ATP2B2: variants seen among roughly 807,000 people sequenced by gnomAD.
The protein encoded by ATP2B2 is plasma membrane calcium-transporting ATPase 2.
Under a neutral mutation model 120.0 loss-of-function variants are expected in ATP2B2, and 15 were observed. The ratio of observed to expected loss-of-function variants is 0.12; its 90% CI spans 0.08 to 0.19. The LOEUF (loss-of-function observed/expected upper bound fraction) is 0.19. ATP2B2 is among the 10% of genes least tolerant of loss of function. The probability of loss-of-function intolerance (pLI) is 1.00; values close to 1 mark genes in which losing one functional copy is unlikely to be tolerated. For synonymous variants in ATP2B2, 694 were observed against 700.3 expected (o/e 0.99, Z 0.14); for missense variants, 1,045 against 1,719.8 (o/e 0.61, Z 6.94).
At chr3:10,496,637 C>A (rs1575410383) in intron 1 of ATP2B2, among the ~76,000 whole-genome samples, 1 of 152,168 alleles carries the variant, frequency 6.6e-6, no homozygotes, top group South Asian at 2.1e-4. Context: ...AAGATCCACA[C>A]ACATTGCACT....
intron 1 of ATP2B2, among the ~76,000 whole-genome samples, chr3:10,471,234 G>A (rs2064979345): frequency 1.3e-5 from 2 of 152,148 alleles, no homozygotes; most frequent in African/African-American, 2.4e-5. Context: ...GAAGGCCAGG[G>A]TGCAGGAGAC....
intron 1 of ATP2B2, among the ~76,000 whole-genome samples, chr3:10,670,800 A>C (rs2071076350): frequency 5.9e-5 from 9 of 152,214 alleles, no homozygotes. Context: ...AGAGAGCAGA[A>C]TCCGGATTGG....
intron 1 of ATP2B2, among the ~76,000 whole-genome samples, chr3:10,661,293 A>C (rs1029131616): frequency 4.6e-5 from 7 of 152,152 alleles, no homozygotes; most frequent in Non-Finnish European, 1.0e-4. Context: ...AATTAGGAAA[A>C]GAGGAAGTCA....
chr3:10,329,161 A>G lies in ATP2B2; in HGVS notation c.3421-36T>C. On this transcript the variant is annotated intron_variant, in intron 22 of 22. Transcript: ENST00000360273. This position sits in a 1 kb window ranked among gnomAD's most constrained non-coding sequence, Gnocchi z 5.9. ...AGCACAGGGGTCAGGAGCACTGCCC[A>G]GGGACCACAGCCAGGCTCGGGGGGC... 7.6e-7 allele frequency: 1 copy of G among 1,313,744 alleles called. No homozygotes were observed. Among genetic ancestry groups the G allele is most frequent in the Non-Finnish European group, 1.0e-6 (1 of 968,934 alleles). The allele number at this position is 1,313,744 out of a possible 1,614,324, so 81.4% of individuals were successfully genotyped here.
In ATP2B2 at chr3:10,340,428, C is replaced by G; in HGVS notation, c.3129+65G>C. 6.2e-7 allele frequency: 1 copy of G among 1,613,444 alleles called. No homozygotes were observed. Among genetic ancestry groups the G allele is most frequent in the Non-Finnish European group, 8.5e-7 (1 of 1,179,504 alleles). ...GCACAGAGGGCTGGGCTCTCAGGGT[C>G]CTGCCCAGGGGCTCCAGCCGCTTGC... On this transcript the variant is annotated intron_variant, in intron 20 of 22. Coordinates refer to ENST00000360273, the MANE Select transcript of ATP2B2 (RefSeq NM_001001331.4). The surrounding 1 kb of genome is among the most constrained non-coding windows in gnomAD (Gnocchi z 5.0).
intron 1 of ATP2B2, among the ~76,000 whole-genome samples, chr3:10,628,274 A>G (rs940431004): frequency 1.3e-5 from 2 of 152,120 alleles, no homozygotes; most frequent in African/African-American, 4.8e-5. Flanking sequence ...CGCTGTGGGT[A>G]GAGAGTGGAT....
intron 3 of ATP2B2, among the ~76,000 whole-genome samples, chr3:10,408,202 G>A (rs956523157): frequency 6.6e-6 from 1 of 152,220 alleles, no homozygotes; most frequent in African/African-American, 2.4e-5. Context: ...AAAGTGCCAC[G>A]TGTGCTGGGT....
chr3:10,562,316 C>G (rs2067920368), intron 2 of ATP2B2, among the ~76,000 whole-genome samples: 1 of 152,180 alleles, frequency 6.6e-6, no homozygotes, highest in Non-Finnish European at 1.5e-5. Flanking sequence ...CGAGGAGGAA[C>G]AGTGAGTAGC....
At chr3:10,641,768 G>A (rs931683895) in intron 1 of ATP2B2, among the ~76,000 whole-genome samples, 2 of 152,160 alleles carry the variant, frequency 1.3e-5, no homozygotes, top group African/African-American at 2.4e-5. Flanking sequence ...TGTTCCCGGG[G>A]AGAAGCGAAG....
intron 2 of ATP2B2, among the ~76,000 whole-genome samples, chr3:10,587,318 A>G (rs1362691853): frequency 2.1e-5 from 3 of 139,826 alleles, no homozygotes; most frequent in Non-Finnish European, 4.7e-5. Context: ...ATATATGTAT[A>G]TATGTCTCAA....
chr3:10,497,062 G>A (rs1407388890), intron 1 of ATP2B2, among the ~76,000 whole-genome samples: 4 of 152,194 alleles, frequency 2.6e-5, no homozygotes, highest in Admixed American at 2.6e-4. Context: ...GCTGACCTTG[G>A]GCAGCTGTGG....
intron 5 of ATP2B2, among the ~76,000 whole-genome samples, chr3:10,400,629 C>A (rs1040252287): frequency 2.0e-5 from 3 of 152,230 alleles, no homozygotes; most frequent in African/African-American, 7.2e-5. Flanking sequence ...CTGACTGATT[C>A]TTTCTCATCT....
chr3:10,520,318 G>T (rs575148915), intron 3 of ATP2B2, among the ~76,000 whole-genome samples: 2 of 152,320 alleles, frequency 1.3e-5, no homozygotes, highest in East Asian at 1.9e-4. Flanking sequence ...GGGGAGGGGG[G>T]TGCCGGTTTT....
chr3:10,522,592 C>A (rs1292333181), intron 3 of ATP2B2, among the ~76,000 whole-genome samples: 1 of 152,228 alleles, frequency 6.6e-6, no homozygotes, highest in African/African-American at 2.4e-5. Flanking sequence ...CTTGAAATAA[C>A]TTTTCTCAGT....
At chr3:10,352,618 C>A (rs191182884) in intron 14 of ATP2B2, among the ~76,000 whole-genome samples, 1 of 152,334 alleles carries the variant, frequency 6.6e-6, no homozygotes, top group South Asian at 2.1e-4. Context: ...AGTGCCCACT[C>A]GGGGTTTGGG....
chr3:10,357,742 A>G (rs955968601), intron 14 of ATP2B2, among the ~76,000 whole-genome samples: 2 of 152,190 alleles, frequency 1.3e-5, no homozygotes, highest in African/African-American at 4.8e-5. Context: ...AGTGGAAGCC[A>G]GCCCCTCCTG....
At chr3:10,355,483 C>T (rs1002589029) in intron 14 of ATP2B2, among the ~76,000 whole-genome samples, 5 of 152,166 alleles carry the variant, frequency 3.3e-5, no homozygotes, top group Admixed American at 6.5e-5. Context: ...AGTCAACTAT[C>T]GCTCTCTCTG....
chr3:10,456,960 G>T (rs2064285986), intron 1 of ATP2B2, among the ~76,000 whole-genome samples: 1 of 152,224 alleles, frequency 6.6e-6, no homozygotes, highest in Non-Finnish European at 1.5e-5. Context: ...CTCCTCCCTT[G>T]TCCTCACCCA....
At chr3:10,596,070 T>A (rs1452760933) in intron 2 of ATP2B2, among the ~76,000 whole-genome samples, 3 of 152,126 alleles carry the variant, frequency 2.0e-5, no homozygotes, top group African/African-American at 7.2e-5. Context: ...AAAGGTCCCC[T>A]CTGCAGAGAG....
Sources: gnomAD v4.1 joint callset for allele counts (sites outside exome capture counted in the v4.1 genomes callset) on GRCh38, gnomAD v4.1.1 for gene constraint, Gnocchi (gnomAD v3.1) non-coding constraint, MANE v1.5 for transcripts, NCBI Gene and HGNC (gene_info 2026-07-23, HGNC 2026-07-21) for gene names.